PAX7: variants seen among roughly 807,000 people sequenced by gnomAD.
The protein encoded by PAX7 is paired box 7, also known as paired box protein Pax-7.
A neutral mutation model predicts 50.7 loss-of-function variants in PAX7; 18 were observed. That is an observed-to-expected ratio of 0.36 (90% CI 0.25 to 0.53). PAX7 has a LOEUF of 0.53. Ranked by LOEUF, PAX7 falls within the 20% of genes least tolerant of loss-of-function variation. The pLI is 0.93. For missense variants in PAX7, 644 were observed against 702.9 expected (o/e 0.92, Z 0.95); for synonymous variants, 310 against 290.4 (o/e 1.07, Z -0.69).
In PAX7 at chr1:18,748,607, T is replaced by C. The variant is rs1346389668; in HGVS notation, c.*3678T>C. The C allele has an allele frequency of 4.3e-6, 1 of 231,810 alleles. No individual in the cohort carries two copies. The highest frequency in any genetic ancestry group is 2.2e-5 in the African/African-American group (1 of 45,204). 14.4% of individuals were successfully genotyped at this position (231,810 alleles called of 1,614,324 possible). A position where few individuals can be genotyped will look rare whatever the true frequency, so the allele number is the denominator to read the frequency against. ...TTCCTTCTTCCTAGTAACTGCAACT[T>C]TGTTGCTTCTGTGTTTGACTCACAG... On this transcript the variant is annotated 3_prime_UTR_variant, in exon 9 of 9. Transcript: ENST00000420770.
At chr1:18,650,511 G>A (rs776273232) in intron 4 of PAX7, among the ~76,000 whole-genome samples, 10 of 152,318 alleles carry the variant, frequency 6.6e-5, no homozygotes, top group African/African-American at 2.2e-4. Context: ...GGCAGAGGGC[G>A]GAGGACAGAG....
Position 18,748,268 on chromosome 1 carries a change from TC to T in PAX7, c.*3341del, listed in dbSNP as rs1294608422. On this transcript the variant is annotated 3_prime_UTR_variant, in exon 9 of 9. Coordinates refer to ENST00000420770, the MANE Select transcript of PAX7 (RefSeq NM_001135254.2). ...GTTTCAAGATGGAGTTGGTGAAGCA[TC>T]CAAGATTTTGGATCCTGGGCCTCAG... is the stretch of plus-strand genomic sequence containing the variant. 4.4e-6 allele frequency: 1 copy of T among 227,590 alleles called. No homozygotes were observed. Among genetic ancestry groups the T allele is most frequent in the Non-Finnish European group, 8.7e-6 (1 of 114,602 alleles). The allele number at this position is 227,590 out of a possible 1,614,324, so 14.1% of individuals were successfully genotyped here. A position where few individuals can be genotyped will look rare whatever the true frequency, so the allele number is the denominator to read the frequency against.
rs1449449825 is a variant in PAX7, at chr1:18,720,959, G to A, written c.1156-14673G>A. The stretch of plus-strand genomic sequence containing the variant: ...GGCTCGGAGGAGAGGGACACAGACA[G>A]CTCTGCCATCAGAGGAACCCGAATT... On this transcript the variant is annotated intron_variant, in intron 7 of 8. Transcript: ENST00000420770. 2.0e-5 allele frequency among the ~76,000 whole-genome samples: 3 copies of A among 152,074 alleles called. No homozygotes were observed. The East Asian group carries it at 5.8e-4, about 29-fold the overall frequency.
In PAX7 at chr1:18,631,447, G is replaced by C. The variant is rs919742619; in HGVS notation, c.-157G>C. 10 of 640,200 alleles carry C rather than the reference G, an allele frequency of 1.6e-5. No individual in the cohort carries two copies. The highest frequency in any genetic ancestry group is 5.5e-5 in the African/African-American group (3 of 54,516). 39.7% of individuals were successfully genotyped at this position (640,200 alleles called of 1,614,324 possible). On this transcript the variant is annotated 5_prime_UTR_variant, in exon 1 of 9. Coordinates refer to ENST00000420770, the MANE Select transcript of PAX7 (RefSeq NM_001135254.2). ...GACGCGTTTGACTGCAGCCAGGGGT[G>C]GGGGGTGGGGGTAGGGAGTGTGTGT...
rs374584826 is a variant in PAX7, at chr1:18,700,712, G to A, written c.846G>A (p.Ala282=). The change falls in exon 6 of 9, where the codon GCG becomes GCA. Residue 282 remains alanine, a synonymous_variant. Coordinates refer to ENST00000420770, the MANE Select transcript of PAX7 (RefSeq NM_001135254.2). This position sits in a 1 kb window ranked among gnomAD's most constrained non-coding sequence, Gnocchi z 4.8. ...AGCAGGCAGGAGCCAACCAGCTGGCGGCGTTCAACCACCTTCTGCCAGGAG... is the reference window on the plus strand; with the variant it reads ...AGCAGGCAGGAGCCAACCAGCTGGCAGCGTTCAACCACCTTCTGCCAGGAG... ...WRKQAGANQL[A]AFNHLLPGGF... 2.2e-5 allele frequency: 35 copies of A among 1,601,580 alleles called. 1 individual carries two copies. In the South Asian group the frequency reaches 2.6e-4, roughly 12 times the overall value.
chr1:18,717,300 CGGGACGGGGCAGGCGGCGAA>C (rs1391510426), intron 7 of PAX7, among the ~76,000 whole-genome samples: 2 of 152,196 alleles, frequency 1.3e-5, no homozygotes, highest in African/African-American at 2.4e-5. Context: ...TCGGCCGTCT[CGGGACGGGGCAGGCGGCGAA>C]GGGACGGGCA....
At chr1:18,736,324 G>T (rs1472452376) in intron 8 of PAX7, among the ~76,000 whole-genome samples, 1 of 152,118 alleles carries the variant, frequency 6.6e-6, no homozygotes, top group East Asian at 1.9e-4. Flanking sequence ...AATTAGCCAG[G>T]CATGGTGGCG....
At chr1:18,669,867 C>T (rs1294294863) in intron 4 of PAX7, among the ~76,000 whole-genome samples, 1 of 152,112 alleles carries the variant, frequency 6.6e-6, no homozygotes, top group East Asian at 1.9e-4. Context: ...AGGTGGATCA[C>T]GAGGTCAGGA....
At chr1:18,694,342 C>T (rs1172200454) in intron 5 of PAX7, among the ~76,000 whole-genome samples, 1 of 151,800 alleles carries the variant, frequency 6.6e-6, no homozygotes, top group African/African-American at 2.4e-5. Context: ...GCCTGTAATC[C>T]CAGCTACTCG....
At chr1:18,647,264 A>G (rs915331516) in intron 4 of PAX7, among the ~76,000 whole-genome samples, 1 of 151,942 alleles carries the variant, frequency 6.6e-6, no homozygotes, top group African/African-American at 2.4e-5. Flanking sequence ...CTTACTTGGG[A>G]CGGGGTGGTG....
chr1:18,691,628 G>A, intron 4 of PAX7, 126 bp from the exon 5 acceptor site: 1 of 739,678 alleles, frequency 1.4e-6, no homozygotes. Context: ...CTTGGGAGGA[G>A]TCTGATCGAA....
chr1:18,696,950 A>G (rs2089157275), intron 5 of PAX7, among the ~76,000 whole-genome samples: 1 of 152,174 alleles, frequency 6.6e-6, no homozygotes, highest in African/African-American at 2.4e-5. Flanking sequence ...GAGGTGATGG[A>G]TACCCCATTT....
intron 4 of PAX7, among the ~76,000 whole-genome samples, chr1:18,687,616 G>A (rs1022167577): frequency 6.6e-6 from 1 of 152,110 alleles, no homozygotes; most frequent in Non-Finnish European, 1.5e-5. Context: ...GGCCAAGGCG[G>A]GTAGTGGATG....
rs200351331 is a variant in PAX7 at position 18,699,215 on chromosome 1, GA to G, written c.787-1437del. ...TCCCGTGGAGCCTGAGTCTGAGGGG[GA>G]CATTAGGAGCAGCACAGCCAAGAAA... On this transcript the variant is annotated intron_variant, in intron 5 of 8. Transcript: ENST00000420770. 3.9e-5 allele frequency among the ~76,000 whole-genome samples: 6 copies of G among 152,348 alleles called. No individual in the cohort carries two copies. In the East Asian group the frequency reaches 9.6e-4, roughly 24 times the overall value.
intron 7 of PAX7, among the ~76,000 whole-genome samples, chr1:18,706,819 A>G (rs984367989): frequency 2.6e-5 from 4 of 152,104 alleles, no homozygotes; most frequent in South Asian, 2.1e-4. Context: ...AGGGGCTTAC[A>G]CTGGAGGATG....
Position 18,634,196 on chromosome 1 carries a change from T to C in PAX7, c.86-107T>C. 1.2e-6 allele frequency: 1 copy of C among 826,366 alleles called. No individual in the cohort carries two copies. The allele number at this position is 826,366 out of a possible 1,614,324, so 51.2% of individuals were successfully genotyped here. ...GGACCACCGGGATTGCTGTCTGAGG[T>C]CTTGGGGCTCAAACAAACAAAACTG... On this transcript the variant is annotated intron_variant, in intron 1 of 8. Coordinates refer to ENST00000420770, the MANE Select transcript of PAX7 (RefSeq NM_001135254.2). The surrounding 1 kb of genome is among the most constrained non-coding windows in gnomAD (Gnocchi z 4.0).
intron 4 of PAX7, among the ~76,000 whole-genome samples, chr1:18,667,450 G>GGAAGGAAGGAAGGAGC (rs1352059845): frequency 6.1e-5 from 9 of 147,110 alleles, no homozygotes; most frequent in Admixed American, 4.1e-4. Flanking sequence ...AAGGAAGGAA[G>GGAAGGAAGGAAGGAGC]GAGCTTTGGT....
chr1:18,676,442 C>T (rs1224338506), intron 4 of PAX7, among the ~76,000 whole-genome samples: 1 of 144,998 alleles, frequency 6.9e-6, no homozygotes, highest in East Asian at 2.1e-4. Flanking sequence ...TGAAAGGCCT[C>T]TCGCTGCCCA....
At position 18,634,223 on chromosome 1, in the gene PAX7, AG is replaced by A; in HGVS notation, c.86-79del. 8.8e-7 allele frequency: 1 copy of A among 1,137,160 alleles called. No homozygotes were observed. The highest frequency in any genetic ancestry group is 1.3e-6 in the Non-Finnish European group (1 of 788,374). 70.4% of individuals were successfully genotyped at this position (1,137,160 alleles called of 1,614,324 possible). A position where few individuals can be genotyped will look rare whatever the true frequency, so the allele number is the denominator to read the frequency against. On this transcript the variant is annotated intron_variant, in intron 1 of 8. Transcript: ENST00000420770. This position sits in a 1 kb window ranked among gnomAD's most constrained non-coding sequence, Gnocchi z 4.0. ...TTGGGGCTCAAACAAACAAAACTGG[AG>A]TCAGGGAGTGTACTCAGTGTCTGCT...
Sources: gnomAD v4.1 joint callset for allele counts (sites outside exome capture counted in the v4.1 genomes callset) on GRCh38, gnomAD v4.1.1 for gene constraint, Gnocchi (gnomAD v3.1) non-coding constraint, MANE v1.5 for transcripts, NCBI Gene and HGNC (gene_info 2026-07-23, HGNC 2026-07-21) for gene names.